TRIM36: variants seen among roughly 807,000 people sequenced by gnomAD.
The protein encoded by TRIM36 is E3 ubiquitin-protein ligase TRIM36.
TRIM36 carries 42 observed loss-of-function variants against 72.4 expected under a neutral mutation model. That is an observed-to-expected ratio of 0.58 (90% CI 0.45 to 0.75). The LOEUF is 0.75. Among genes scored for constraint, TRIM36 ranks in the 30% least tolerant of loss-of-function variants. TRIM36 has a pLI of 0.00. For synonymous variants in TRIM36, 315 were observed against 282.8 expected, an observed-to-expected ratio of 1.11 and a Z score of -1.14; for missense variants, 913 against 857.1, an observed-to-expected ratio of 1.07 and a Z score of -0.81.
At chr5:115,178,337 C>T (rs1381611513) in intron 1 of TRIM36, among the ~76,000 whole-genome samples, 1 of 152,170 alleles carries the variant, frequency 6.6e-6, no homozygotes, top group Non-Finnish European at 1.5e-5. Flanking sequence ...CCTCCCTGCC[C>T]CCTAGCCCCT....
At position 115,163,606 on chromosome 5, in the gene TRIM36, A is replaced by C. The variant is rs1754605797; in HGVS notation, c.174T>G (p.Asp58Glu). ...LLLTLDDSFN[D>E]VGSDNSNQSS... ...TTTGATTGGAGTTGTCTGATCCCACATCGTTGAATGAATCATCGAGAGTCA... is the reference window on the plus strand; with the variant it reads ...TTTGATTGGAGTTGTCTGATCCCACCTCGTTGAATGAATCATCGAGAGTCA... The change falls in exon 2 of 10, where the codon GAT becomes GAG. Residue 58 changes from aspartate to glutamate, a missense_variant. Transcript: ENST00000513154. The C allele has an allele frequency of 6.2e-7, 1 of 1,614,204 alleles. No homozygotes were observed. Among genetic ancestry groups the C allele is most frequent in the Non-Finnish European group, 8.5e-7 (1 of 1,180,036 alleles).
chr5:115,171,061 C>T (rs1306232690), upstream of TRIM36: 6 of 1,612,588 alleles, frequency 3.7e-6, no homozygotes, highest in Non-Finnish European at 4.2e-6. Flanking sequence ...CCCTAAATTG[C>T]TGGGTAAGTA....
intron 7 of TRIM36, 74 bp from the exon 8 acceptor site, chr5:115,134,221 T>C: frequency 1.5e-6 from 2 of 1,373,100 alleles, no homozygotes; most frequent in East Asian, 2.5e-5. Flanking sequence ...CTCAATAAAA[T>C]GACATATAAA....
chr5:115,174,365 A>G (rs1755244988), upstream of TRIM36: 2 of 152,254 alleles, frequency 1.3e-5, no homozygotes, highest in Non-Finnish European at 2.9e-5. Context: ...TAAAATCAAG[A>G]GAGCACCTGG....
At chr5:115,144,510 T>C in intron 4 of TRIM36, 88 bp downstream of exon 4, 1 of 1,518,754 alleles carries the variant, frequency 6.6e-7, no homozygotes, top group Non-Finnish European at 9.0e-7. Flanking sequence ...AGAGACCATA[T>C]AACACACCAT....
In TRIM36 at chr5:115,144,644, G is replaced by A; in HGVS notation, c.689C>T (p.Ala230Val). The change falls in exon 4 of 10, where the codon GCC becomes GTC. Residue 230 changes from alanine to valine, a missense_variant. Transcript: ENST00000513154. ...GCTCATAGTGGTTACACGGTGGTTG[G>A]CATGATTACCACCCAACTTACACAG... Reference protein sequence around the residue: ...CHLCKLGGNHANHRVTTMSSA... With the variant: ...CHLCKLGGNHVNHRVTTMSSA... The A allele has an allele frequency of 1.2e-6, 2 of 1,614,092 alleles. No individual in the cohort carries two copies. The highest frequency in any genetic ancestry group is 1.1e-5 in the South Asian group (1 of 91,070).
Position 115,169,835 on chromosome 5 carries a change from CG to C in TRIM36, c.-202del. The C allele has an allele frequency of 2.3e-6, 3 of 1,320,570 alleles. No individual in the cohort carries two copies. The highest frequency in any genetic ancestry group is 2.9e-6 in the Non-Finnish European group (3 of 1,032,274). 81.8% of individuals were successfully genotyped at this position (1,320,570 alleles called of 1,614,324 possible). A position where few individuals can be genotyped will look rare whatever the true frequency, so the allele number is the denominator to read the frequency against. On this transcript the variant is annotated 5_prime_UTR_variant, in exon 1 of 10. Coordinates refer to ENST00000513154, the MANE Select transcript of TRIM36 (RefSeq NM_001300759.2). ...GGCAAAAGCACAGGCGCGGGAGAAG[CG>C]AGCTTTGCTCCCAGCGACTACCCCG...
chr5:115,166,203 ACT>A (rs1016865189), intron 1 of TRIM36, among the ~76,000 whole-genome samples: 22 of 152,204 alleles, frequency 1.4e-4, no homozygotes, highest in African/African-American at 5.3e-4. Flanking sequence ...TGCCAGTTCC[ACT>A]GACTGGAGTG....
intron 7 of TRIM36, among the ~76,000 whole-genome samples, chr5:115,135,349 T>G (rs1752904065): frequency 6.6e-6 from 1 of 152,130 alleles, no homozygotes; most frequent in Non-Finnish European, 1.5e-5. Flanking sequence ...CTGAATGTTA[T>G]GCAGCCATAA....
intron 2 of TRIM36, among the ~76,000 whole-genome samples, chr5:115,156,090 G>A (rs1439444371): frequency 6.6e-6 from 1 of 151,814 alleles, no homozygotes; most frequent in Non-Finnish European, 1.5e-5. Context: ...AAAAAACTTA[G>A]GAATATACTC....
In TRIM36 at chr5:115,144,620, C is replaced by A. The variant is rs201683075; in HGVS notation, c.713G>T (p.Ser238Ile). The A allele has an allele frequency of 6.2e-7, 1 of 1,613,986 alleles. No homozygotes were observed. The highest frequency in any genetic ancestry group is 8.5e-7 in the Non-Finnish European group (1 of 1,180,004). ...TACCTTTAAGGTTTTGTAGGCACTG[C>A]TCATAGTGGTTACACGGTGGTTGGC... ...NHANHRVTTM[S>I]SAYKTLKEKL... Residue 238 changes from serine to isoleucine, a missense_variant, in exon 4 of 10, where the codon AGC becomes ATC. Physicochemically the swap from Ser to Ile is moderately radical, Grantham distance 142 (BLOSUM62 -2). Transcript: ENST00000513154.
At chr5:115,137,723 A>C (rs905572783) in intron 5 of TRIM36, 107 bp from the exon 6 acceptor site, 68 of 1,235,612 alleles carry the variant, frequency 5.5e-5, no homozygotes, top group Non-Finnish European at 7.0e-5. Flanking sequence ...CATTTCATCT[A>C]TGTGATGACA....
chr5:115,140,094 G>A (rs1444429970), intron 5 of TRIM36, among the ~76,000 whole-genome samples: 2 of 152,134 alleles, frequency 1.3e-5, no homozygotes, highest in African/African-American at 4.8e-5. Flanking sequence ...AAAAATGACT[G>A]ACTTAGGGTG....
intron 5 of TRIM36, among the ~76,000 whole-genome samples, chr5:115,140,984 TC>T (rs1289864550): frequency 2.6e-5 from 4 of 152,190 alleles, no homozygotes; most frequent in African/African-American, 4.8e-5. Flanking sequence ...ACCTATCATT[TC>T]CCTTATGTTA....
Position 115,130,715 on chromosome 5 carries a change from G to A in TRIM36, c.1673C>T (p.Thr558Ile), listed in dbSNP as rs745445693. 6.2e-7 allele frequency: 1 copy of A among 1,613,970 alleles called. No individual in the cohort carries two copies. The highest frequency in any genetic ancestry group is 8.5e-7 in the Non-Finnish European group (1 of 1,180,022). Residue 558 changes from threonine (T) to isoleucine (I), a missense_variant, in exon 9 of 10, where the codon ACA becomes ATA. Coordinates refer to ENST00000513154, the MANE Select transcript of TRIM36 (RefSeq NM_001300759.2). ...LDYIIGDTGI[T>I]KGKHFWAFRV... ...GAAGGCCCAGAAGTGTTTTCCTTTT[G>A]TAATGCCAGTATCTCCAATGATGTA...
At chr5:115,138,971 A>T (rs953040845) in intron 5 of TRIM36, among the ~76,000 whole-genome samples, 1 of 151,470 alleles carries the variant, frequency 6.6e-6, no homozygotes, top group African/African-American at 2.4e-5. Flanking sequence ...GCCCGCCACC[A>T]CACCCTACTA....
intron 2 of TRIM36, chr5:115,149,138 T>C (rs1261746813): frequency 1.3e-5 from 2 of 152,156 alleles, no homozygotes; most frequent in African/African-American, 4.8e-5. Context: ...AGTTGCCCCA[T>C]AAAAATTTGA....
intron 7 of TRIM36, among the ~76,000 whole-genome samples, chr5:115,136,043 C>G (rs1216629972): frequency 6.6e-6 from 1 of 151,948 alleles, no homozygotes; most frequent in African/African-American, 2.4e-5. Context: ...GACCTCCCTG[C>G]TAGGGAGTAG....
intron 1 of TRIM36, chr5:115,177,651 G>A: frequency 6.3e-7 from 1 of 1,585,942 alleles, no homozygotes; most frequent in Non-Finnish European, 8.6e-7. Context: ...TTGAGCCTGA[G>A]GAGAGTGGTA....
Sources: allele counts gnomAD v4.1 joint callset (sites outside exome capture counted in the v4.1 genomes callset), GRCh38; gene constraint gnomAD v4.1.1; transcripts MANE v1.5; gene names NCBI Gene and HGNC (gene_info 2026-07-23, HGNC 2026-07-21).